SBF2: variants seen among roughly 807,000 people sequenced by gnomAD.
SBF2 encodes SET binding factor 2, also known as myotubularin-related protein 13.
SBF2 carries 112 observed loss-of-function variants against 225.2 expected under a neutral mutation model. That is an observed-to-expected ratio of 0.50 (90% CI 0.43 to 0.58). SBF2 has a LOEUF of 0.58. Among genes scored for constraint, SBF2 ranks in the 20% least tolerant of loss-of-function variants. SBF2 has a pLI of 0.00. For missense variants in SBF2, 1,996 were observed against 2,206.2 expected, an observed-to-expected ratio of 0.90 and a Z score of 1.91; for synonymous variants, 763 against 773.3, an observed-to-expected ratio of 0.99 and a Z score of 0.22.
chr11:10,094,148 T>C (rs1951905920), intron 2 of SBF2, among the ~76,000 whole-genome samples: 1 of 152,078 alleles, frequency 6.6e-6, no homozygotes, highest in African/African-American at 2.4e-5. Context: ...CTGACCAACA[T>C]GGTGAAACTC....
chr11:10,020,961 A>G (rs897598240), intron 6 of SBF2, among the ~76,000 whole-genome samples: 1 of 150,554 alleles, frequency 6.6e-6, no homozygotes, highest in Non-Finnish European at 1.5e-5. Context: ...ATGGAGACAT[A>G]CTGACCCATC....
At chr11:10,237,604 T>C (rs1959126155) in intron 1 of SBF2, among the ~76,000 whole-genome samples, 1 of 152,260 alleles carries the variant, frequency 6.6e-6, no homozygotes, top group South Asian at 2.1e-4. Flanking sequence ...TTCAGGTTTA[T>C]TGTGCTATAA....
At chr11:10,216,125 G>A (rs565371412) in intron 1 of SBF2, among the ~76,000 whole-genome samples, 20 of 152,046 alleles carry the variant, frequency 1.3e-4, no homozygotes, top group Admixed American at 1.2e-3. Context: ...GGTCCTTCCC[G>A]ATGCTTCCAT....
chr11:10,277,172 C>T (rs1448843379), intron 1 of SBF2, among the ~76,000 whole-genome samples: 1 of 148,318 alleles, frequency 6.7e-6, no homozygotes, highest in Non-Finnish European at 1.5e-5. Context: ...GTAATCTCAG[C>T]ACTTTGGGAG....
chr11:9,831,394 G>A (rs1030001058), intron 27 of SBF2, among the ~76,000 whole-genome samples: 4 of 152,224 alleles, frequency 2.6e-5, no homozygotes, highest in African/African-American at 9.6e-5. Flanking sequence ...AATTACACCA[G>A]TAGTGAGACT....
At chr11:10,175,709 A>AT (rs974274661) in intron 2 of SBF2, among the ~76,000 whole-genome samples, 5 of 151,420 alleles carry the variant, frequency 3.3e-5, no homozygotes, top group Non-Finnish European at 7.4e-5. Context: ...CAGAATAGAC[A>AT]TTTTTTTCAG....
chr11:10,242,163 A>G (rs961824762), intron 1 of SBF2, among the ~76,000 whole-genome samples: 3 of 152,036 alleles, frequency 2.0e-5, no homozygotes, highest in Admixed American at 6.5e-5. Flanking sequence ...AAAACTACCC[A>G]CAAAAATGTG....
chr11:9,993,700 C>G (rs1197827595), intron 10 of SBF2, among the ~76,000 whole-genome samples: 1 of 152,218 alleles, frequency 6.6e-6, no homozygotes, highest in Non-Finnish European at 1.5e-5. Flanking sequence ...CTCAGGGCAA[C>G]AGTCTTAGCC....
At chr11:10,134,923 C>A (rs1954275696) in intron 2 of SBF2, among the ~76,000 whole-genome samples, 1 of 152,212 alleles carries the variant, frequency 6.6e-6, no homozygotes, top group African/African-American at 2.4e-5. Context: ...GGCAGCAGCC[C>A]AGTGGGGACT....
chr11:9,878,604 C>T (rs1564947066), intron 17 of SBF2, among the ~76,000 whole-genome samples: 1 of 152,204 alleles, frequency 6.6e-6, no homozygotes, highest in Non-Finnish European at 1.5e-5. Flanking sequence ...ATGTCTTGCA[C>T]ATCTTGGCAT....
intron 9 of SBF2, among the ~76,000 whole-genome samples, chr11:9,995,752 G>A (rs774866300): frequency 2.0e-5 from 3 of 150,916 alleles, no homozygotes; most frequent in Non-Finnish European, 4.4e-5. Context: ...CTGGGTTCAA[G>A]TGAGCCTCCT....
At chr11:10,065,604 AC>A (rs1400674819) in intron 2 of SBF2, among the ~76,000 whole-genome samples, 2 of 152,202 alleles carry the variant, frequency 1.3e-5, no homozygotes, top group Non-Finnish European at 2.9e-5. Context: ...ATTATGAAAA[AC>A]ATCCTATAAA....
chr11:10,076,384 G>A (rs1156589542), intron 2 of SBF2, among the ~76,000 whole-genome samples: 1 of 152,224 alleles, frequency 6.6e-6, no homozygotes, highest in Admixed American at 6.5e-5. Flanking sequence ...CACTGGTTTG[G>A]AGAATCTTCA....
intron 16 of SBF2, among the ~76,000 whole-genome samples, chr11:9,945,775 A>G (rs1460207923): frequency 6.6e-6 from 1 of 152,236 alleles, no homozygotes; most frequent in African/African-American, 2.4e-5. Flanking sequence ...GGCAAAGGAC[A>G]TGAACAGACA....
chr11:10,201,173 T>G (rs1452286515), intron 1 of SBF2, among the ~76,000 whole-genome samples: 1 of 152,240 alleles, frequency 6.6e-6, no homozygotes, highest in Non-Finnish European at 1.5e-5. Context: ...TTACTCATTT[T>G]AATAGAATAG....
intron 17 of SBF2, among the ~76,000 whole-genome samples, chr11:9,870,599 G>A (rs371310044): frequency 6.6e-5 from 10 of 152,242 alleles, no homozygotes; most frequent in African/African-American, 2.4e-4. Flanking sequence ...AACAAGCAAT[G>A]GGGAAGGGAT....
chr11:9,883,213 C>T (rs963122588), intron 17 of SBF2, among the ~76,000 whole-genome samples: 1 of 151,978 alleles, frequency 6.6e-6, no homozygotes, highest in Non-Finnish European at 1.5e-5. Context: ...CAAAGATCTG[C>T]ATAATAATGG....
intron 16 of SBF2, among the ~76,000 whole-genome samples, chr11:9,937,022 T>G (rs1230515815): frequency 6.6e-6 from 1 of 152,090 alleles, no homozygotes; most frequent in Non-Finnish European, 1.5e-5. Flanking sequence ...GCCAAATTTC[T>G]AACACATGAA....
At chr11:9,989,671 A>AT (rs1947343799) in intron 12 of SBF2, 76 bp from the exon 13 acceptor site, 2 of 916,390 alleles carry the variant, frequency 2.2e-6, no homozygotes. Flanking sequence ...ATTTCATACA[A>AT]TTTGCAAGCC....
Sources: gnomAD v4.1 joint callset for allele counts (sites outside exome capture counted in the v4.1 genomes callset) on GRCh38, gnomAD v4.1.1 for gene constraint, MANE v1.5 for transcripts, NCBI Gene and HGNC (gene_info 2026-07-23, HGNC 2026-07-21) for gene names.